BRD1: variants seen among roughly 807,000 people sequenced by gnomAD.
BRD1 encodes the protein bromodomain-containing protein 1.
BRD1 carries 24 observed loss-of-function variants against 107.7 expected under a neutral mutation model. The ratio of observed to expected loss-of-function variants is 0.22; its 90% CI spans 0.16 to 0.31. BRD1 has a LOEUF of 0.31. Among genes scored for constraint, BRD1 ranks in the 10% least tolerant of loss-of-function variants. The pLI is 1.00. For missense variants in BRD1, 1,279 were observed against 1,638.6 expected (o/e 0.78, Z 3.79); for synonymous variants, 744 against 686.1 (o/e 1.08, Z -1.32).
Position 49,823,154 on chromosome 22 carries a change from G to A in BRD1, c.1164C>T (p.His388=). 1.2e-6 allele frequency: 2 copies of A among 1,614,234 alleles called. No individual in the cohort carries two copies. The highest frequency in any genetic ancestry group is 1.7e-6 in the Non-Finnish European group (2 of 1,180,042). Residue 388 remains histidine (H), a synonymous_variant, in exon 2 of 13, where the codon CAC becomes CAT. Coordinates refer to ENST00000404760, the MANE Select transcript of BRD1 (RefSeq NM_001304808.3). ...SVRKTAYCDV[H]TPPGCTRRPL... is the part of the protein sequence containing the mutation. ...GCCTCCGGGTGCAGCCTGGAGGCGT[G>A]TGGACATCACAGTAAGCGGTCTTTC...
chr22:49,809,957 A>C (rs2059818764), intron 2 of BRD1, among the ~76,000 whole-genome samples: 1 of 152,208 alleles, frequency 6.6e-6, no homozygotes, highest in African/African-American at 2.4e-5. Context: ...CAAAGAAAGA[A>C]AGAACACACA....
intron 7 of BRD1, among the ~76,000 whole-genome samples, chr22:49,788,091 G>A (rs2147050510): frequency 6.6e-6 from 1 of 152,318 alleles, no homozygotes; most frequent in South Asian, 2.1e-4. Context: ...CTGCGGCCCT[G>A]GGTGCAGTGC....
Position 49,787,567 on chromosome 22 carries a change from G to C in BRD1, c.2680C>G (p.Pro894Ala). Residue 894 changes from proline to alanine, a missense_variant, in exon 8 of 13, where the codon CCA becomes GCA. By Grantham distance (27) the Pro-to-Ala change is conservative. Around this residue, in one of 7 missense-constraint regions of BRD1, gnomAD observed 263 missense variants for 251.6 expected, o/e 1.05. Coordinates refer to ENST00000404760, the MANE Select transcript of BRD1 (RefSeq NM_001304808.3). ...LFCKSKSVSP[P>A]KSAKNTETQP... ...GTTTCAGTGTTCTTGGCAGACTTTG[G>C]GGGGCTTACACTTTTCGATTTGCAG... 1 of 1,583,844 alleles carries C rather than the reference G, an allele frequency of 6.3e-7. No homozygotes were observed. The highest frequency in any genetic ancestry group is 8.6e-7 in the Non-Finnish European group (1 of 1,164,248).
At chr22:49,795,262 GACCCAC>G (rs2059508999) in intron 6 of BRD1, among the ~76,000 whole-genome samples, 2 of 152,274 alleles carry the variant, frequency 1.3e-5, no homozygotes, top group African/African-American at 4.8e-5. Flanking sequence ...TCAAAACAGA[GACCCAC>G]GGCCTCCAGG....
At chr22:49,795,392 A>T (rs1447633389) in intron 6 of BRD1, among the ~76,000 whole-genome samples, 2 of 144,030 alleles carry the variant, frequency 1.4e-5, no homozygotes, top group Non-Finnish European at 2.9e-5. Context: ...CCAAATACTG[A>T]GAAAGAAAGA....
chr22:49,797,767 C>G (rs778465573), intron 6 of BRD1, 38 bp downstream of exon 6: 1 of 1,540,050 alleles, frequency 6.5e-7, no homozygotes, highest in East Asian at 2.3e-5. Context: ...CTAGAAAGAG[C>G]GTCTTCCACC....
At chr22:49,802,798 G>A (rs1024511822) in intron 3 of BRD1, among the ~76,000 whole-genome samples, 1 of 152,254 alleles carries the variant, frequency 6.6e-6, no homozygotes, top group African/African-American at 2.4e-5. Flanking sequence ...TCCTTTCCAG[G>A]AGCCCTGGAG....
At position 49,798,188 on chromosome 22, in the gene BRD1, T is replaced by C. The variant is rs1024268543; in HGVS notation, c.1786-71A>G. ...TATTAGTTGACTCTATATTTATTAT[T>C]CCATATAACCCACAAGCCCATCCTA... is the stretch of plus-strand genomic sequence containing the variant. On this transcript the variant is annotated intron_variant, in intron 5 of 12. Transcript: ENST00000404760. 3.9e-5 allele frequency: 56 copies of C among 1,418,900 alleles called. No homozygotes were observed. The African/African-American group carries it at 7.1e-4, about 18-fold the overall frequency. 87.9% of individuals were successfully genotyped at this position (1,418,900 alleles called of 1,614,324 possible).
chr22:49,807,169 A>G (rs1408467258), intron 2 of BRD1: 1 of 152,224 alleles, frequency 6.6e-6, no homozygotes, highest in Non-Finnish European at 1.5e-5. Context: ...ACGTATGGAT[A>G]GGAAGACCAA....
At chr22:49,810,719 C>T (rs891984867) in intron 2 of BRD1, among the ~76,000 whole-genome samples, 3 of 152,206 alleles carry the variant, frequency 2.0e-5, no homozygotes, top group African/African-American at 7.2e-5. Flanking sequence ...CATCTTCAGC[C>T]ACTGTGGAAC....
At chr22:49,779,296 T>C (rs947715942) in intron 8 of BRD1, among the ~76,000 whole-genome samples, 3 of 152,116 alleles carry the variant, frequency 2.0e-5, no homozygotes, top group Admixed American at 1.3e-4. Context: ...ACGACCGACT[T>C]TTCAATACAG....
chr22:49,798,769 C>T, intron 4 of BRD1, 83 bp from the exon 5 acceptor site: 5 of 1,466,378 alleles, frequency 3.4e-6, no homozygotes, highest in Non-Finnish European at 4.5e-6. Flanking sequence ...CCACAAGCAG[C>T]CCCCACAGGC....
At chr22:49,825,012 A>G (rs1002628646) in intron 1 of BRD1, among the ~76,000 whole-genome samples, 1 of 152,106 alleles carries the variant, frequency 6.6e-6, no homozygotes, top group African/African-American at 2.4e-5. Context: ...CTGAGGGGAC[A>G]GTCTTGGCCC....
chr22:49,781,637 G>A (rs2059210740), intron 8 of BRD1, among the ~76,000 whole-genome samples: 1 of 152,228 alleles, frequency 6.6e-6, no homozygotes, highest in Non-Finnish European at 1.5e-5. Flanking sequence ...CACCCAAGCT[G>A]CCACCTCGGC....
At chr22:49,777,269 T>C in intron 9 of BRD1, 108 bp from the exon 10 acceptor site, 1 of 1,526,322 alleles carries the variant, frequency 6.6e-7, no homozygotes, top group African/African-American at 1.4e-5. Context: ...GCATCCTGCC[T>C]GACACCCCCG....
rs756398444 is a variant in BRD1, at chr22:49,774,253, C to T, written c.3550G>A (p.Asp1184Asn). 4.3e-6 allele frequency: 7 copies of T among 1,613,756 alleles called. No homozygotes were observed. The highest frequency in any genetic ancestry group is 2.2e-5 in the South Asian group (2 of 91,070). Residue 1184 changes from aspartate to asparagine, a missense_variant, in exon 13 of 13, where the codon GAC (aspartate) becomes AAC (asparagine). Transcript: ENST00000404760. ...LSRVHGEPTS[D>N]LSDID ...GGCCGTCAGTCAATGTCACTGAGGT[C>T]GCTGGTCGGCTCCCCGTGGACGCGG...
At chr22:49,796,874 A>G (rs1187641504) in intron 6 of BRD1, among the ~76,000 whole-genome samples, 1 of 152,244 alleles carries the variant, frequency 6.6e-6, no homozygotes, top group Non-Finnish European at 1.5e-5. Flanking sequence ...AACGTGGAAG[A>G]GAGGAAGAGG....
intron 1 of BRD1, chr22:49,826,265 G>A: frequency 1.0e-6 from 1 of 985,364 alleles, no homozygotes; most frequent in Non-Finnish European, 1.2e-6. Flanking sequence ...GCTCTTCATC[G>A]CAACACTTTC....
chr22:49,774,269 G>A lies in BRD1; in HGVS notation c.3534C>T (p.His1178=), dbSNP rs747987397. 2.7e-5 allele frequency: 44 copies of A among 1,613,974 alleles called. 1 individual carries two copies. Among genetic ancestry groups the A allele is most frequent in the South Asian group, 1.1e-4 (10 of 91,084 alleles). Residue 1178 remains histidine (H), a synonymous_variant, in exon 13 of 13, where the codon CAC becomes CAT. Transcript: ENST00000404760. ...CACTGAGGTCGCTGGTCGGCTCCCCGTGGACGCGGCTCAGGTGGTTCATGG... is the reference window on the plus strand; with the variant it reads ...CACTGAGGTCGCTGGTCGGCTCCCCATGGACGCGGCTCAGGTGGTTCATGG... ...DRAMNHLSRV[H]GEPTSDLSDI...
Sources: allele counts gnomAD v4.1 joint callset (sites outside exome capture counted in the v4.1 genomes callset), GRCh38; gene constraint gnomAD v4.1.1; regional missense constraint gnomAD v4.1.1; transcripts MANE v1.5; gene names NCBI Gene and HGNC (gene_info 2026-07-23, HGNC 2026-07-21).